SPIN1: variants seen among roughly 807,000 people sequenced by gnomAD.
SPIN1 encodes spindlin 1.
In SPIN1, 3 loss-of-function variants were observed where a neutral mutation model predicts 26.0. The observed-to-expected ratio is 0.12, with a 90% confidence interval of 0.05 to 0.30. The LOEUF (loss-of-function observed/expected upper bound fraction) is 0.30, where lower values mean the gene tolerates loss of function less well. SPIN1 is among the 10% of genes least tolerant of loss of function. The pLI is 1.00. For missense variants in SPIN1, 126 were observed against 333.4 expected, an observed-to-expected ratio of 0.38 and a Z score of 4.84; for synonymous variants, 101 against 116.5, an observed-to-expected ratio of 0.87 and a Z score of 0.86.
chr9:88,424,368 G>A (rs147512543), intron 1 of SPIN1, among the ~76,000 whole-genome samples: 4 of 152,198 alleles, frequency 2.6e-5, no homozygotes, highest in Non-Finnish European at 4.4e-5. Context: ...TGAAATTTTT[G>A]TATGTTTTTC....
At chr9:88,471,678 AAG>A (rs1342433976) in intron 5 of SPIN1, among the ~76,000 whole-genome samples, 7 of 150,574 alleles carry the variant, frequency 4.6e-5, no homozygotes, top group South Asian at 2.1e-4. Flanking sequence ...AAAAAAAAAA[AAG>A]AAAATCAGTT....
intron 4 of SPIN1, among the ~76,000 whole-genome samples, chr9:88,465,715 CAG>C (rs1356849502): frequency 4.6e-5 from 7 of 152,244 alleles, no homozygotes; most frequent in East Asian, 1.9e-4. Context: ...AACAGTATGA[CAG>C]ATTTATTAAT....
intron 1 of SPIN1, among the ~76,000 whole-genome samples, chr9:88,421,586 T>A (rs1827667419): frequency 6.6e-6 from 1 of 152,064 alleles, no homozygotes. Flanking sequence ...GCCTTAAGTG[T>A]CTTTTGTAGC....
intron 1 of SPIN1, among the ~76,000 whole-genome samples, chr9:88,401,583 T>C (rs1827187022): frequency 6.6e-6 from 1 of 152,244 alleles, no homozygotes; most frequent in Non-Finnish European, 1.5e-5. Context: ...GTAAATGCTA[T>C]ACAAATAGTT....
At chr9:88,407,519 A>G (rs748818729) in intron 1 of SPIN1, among the ~76,000 whole-genome samples, 1 of 150,048 alleles carries the variant, frequency 6.7e-6, no homozygotes, top group Non-Finnish European at 1.5e-5. Flanking sequence ...AAAATAAGCT[A>G]TTGAATTGTG....
chr9:88,471,338 A>G (rs1828779674), intron 5 of SPIN1, among the ~76,000 whole-genome samples: 1 of 151,858 alleles, frequency 6.6e-6, no homozygotes. Context: ...CAAGCACCAT[A>G]TTTTGAAAAG....
chr9:88,398,358 C>A (rs1827112078), intron 1 of SPIN1, among the ~76,000 whole-genome samples: 1 of 152,072 alleles, frequency 6.6e-6, no homozygotes, highest in African/African-American at 2.4e-5. Context: ...TTTTAGTTTT[C>A]CCACAAAGGC....
intron 1 of SPIN1, among the ~76,000 whole-genome samples, chr9:88,408,975 G>C (rs1314346372): frequency 7.8e-6 from 1 of 127,734 alleles, no homozygotes; most frequent in Non-Finnish European, 1.6e-5. Flanking sequence ...TTGTGTTTGT[G>C]TGTGTTTGTG....
Position 88,441,466 on chromosome 9 carries a change from A to G in SPIN1, c.53-7475A>G, listed in dbSNP as rs187302390. Among the ~76,000 whole-genome samples, 477 of 131,910 alleles carry G rather than the reference A, an allele frequency of 3.6e-3. 12 individuals carry two copies. In the South Asian group the frequency reaches 0.051, roughly 14 times the overall value. The allele number at this position is 131,910 out of a possible 152,430, so 86.5% of individuals were successfully genotyped here. A position where few individuals can be genotyped will look rare whatever the true frequency, so the allele number is the denominator to read the frequency against. On this transcript the variant is annotated intron_variant, in intron 2 of 5. Coordinates refer to ENST00000375859, the MANE Select transcript of SPIN1 (RefSeq NM_006717.3). ...ACATACATTGTTGCTCAATTAAGAA[A>G]AAAGGCCAGGCCAGTATGCTGTGGC...
At position 88,422,748 on chromosome 9, in the gene SPIN1, C is replaced by T. The variant is rs191583721; in HGVS notation, c.-158-3634C>T. Among the ~76,000 whole-genome samples, 503 of 150,616 alleles carry T rather than the reference C, an allele frequency of 3.3e-3. 4 individuals carry two copies. Among genetic ancestry groups the T allele is most frequent in the African/African-American group, 0.011 (467 of 41,002 alleles). ...TTTTGAAATGAAGTCTTGCTCTTGT[C>T]GCCCAGGCTGGAGTGCAGTGGCACT... On this transcript the variant is annotated intron_variant, in intron 1 of 5. Transcript: ENST00000375859.
rs757565862 is a variant in SPIN1 at position 88,405,536 on chromosome 9, CTTTT to C, written c.-159+17015_-159+17018del. ...GCCACAGTGCCTGGCCTGTACTATC[CTTTT>C]TTTTTTTTTTTTTTTTCCCTGAGAC... On this transcript the variant is annotated intron_variant, in intron 1 of 5. Coordinates refer to ENST00000375859, the MANE Select transcript of SPIN1 (RefSeq NM_006717.3). Among the ~76,000 whole-genome samples the C allele has an allele frequency of 4.5e-5, 5 of 110,732 alleles. No individual in the cohort carries two copies. In the East Asian group the frequency reaches 7.5e-4, roughly 17 times the overall value. 72.6% of individuals were successfully genotyped at this position (110,732 alleles called of 152,430 possible).
At chr9:88,429,456 C>G (rs1827822715) in intron 2 of SPIN1, among the ~76,000 whole-genome samples, 1 of 152,088 alleles carries the variant, frequency 6.6e-6, no homozygotes, top group African/African-American at 2.4e-5. Flanking sequence ...CAGCCCTGTC[C>G]CTGGGCTCAA....
intron 4 of SPIN1, among the ~76,000 whole-genome samples, chr9:88,464,389 GTACAT>G (rs1430004505): frequency 2.0e-5 from 3 of 152,180 alleles, no homozygotes; most frequent in Non-Finnish European, 4.4e-5. Flanking sequence ...GCTTCAGGCA[GTACAT>G]TAGAGTATAA....
intron 2 of SPIN1, among the ~76,000 whole-genome samples, chr9:88,430,386 C>T (rs1029789066): frequency 6.6e-6 from 1 of 152,172 alleles, no homozygotes; most frequent in African/African-American, 2.4e-5. Context: ...CTTTATCTAG[C>T]CTTGGAACTT....
chr9:88,395,849 A>G (rs1473025350), intron 1 of SPIN1, among the ~76,000 whole-genome samples: 2 of 151,724 alleles, frequency 1.3e-5, no homozygotes, highest in African/African-American at 2.4e-5. Flanking sequence ...GAGTTCAAGA[A>G]CAGCCTGACC....
chr9:88,397,123 A>G (rs906074656), intron 1 of SPIN1, among the ~76,000 whole-genome samples: 2 of 152,152 alleles, frequency 1.3e-5, no homozygotes, highest in Non-Finnish European at 2.9e-5. Context: ...GTTAGGCTAC[A>G]CTAAATTTAT....
At chr9:88,440,286 C>T (rs1828092697) in intron 2 of SPIN1, among the ~76,000 whole-genome samples, 1 of 148,760 alleles carries the variant, frequency 6.7e-6, no homozygotes. Flanking sequence ...TTTTTCCCTT[C>T]CTTAGCATAT....
Position 88,456,087 on chromosome 9 carries a change from CATT to C in SPIN1, c.102-6402_102-6400del, listed in dbSNP as rs925883527. Among the ~76,000 whole-genome samples the C allele has an allele frequency of 3.3e-5, 5 of 152,086 alleles. 1 individual carries two copies. Among genetic ancestry groups the C allele is most frequent in the Admixed American group, 6.6e-5 (1 of 15,260 alleles). On this transcript the variant is annotated intron_variant, in intron 3 of 5. Coordinates refer to ENST00000375859, the MANE Select transcript of SPIN1 (RefSeq NM_006717.3). ...TGTTAGCAATATCTTTGTGCACATC[CATT>C]ATTATTTTCTTTTGATAAATTTGTA...
chr9:88,414,642 G>C (rs1827523422), intron 1 of SPIN1, among the ~76,000 whole-genome samples: 2 of 152,174 alleles, frequency 1.3e-5, no homozygotes, highest in Non-Finnish European at 2.9e-5. Flanking sequence ...AGTTTAAGTG[G>C]TATTTTGAGC....
Sources: allele counts gnomAD v4.1 joint callset (sites outside exome capture counted in the v4.1 genomes callset), GRCh38; gene constraint gnomAD v4.1.1; transcripts MANE v1.5; gene names NCBI Gene and HGNC (gene_info 2026-07-23, HGNC 2026-07-21).